Variants in DAPP1 observed in about 807,000 individuals in gnomAD.
The protein encoded by DAPP1 is dual adaptor of phosphotyrosine and 3-phosphoinositides 1.
A neutral mutation model predicts 41.5 loss-of-function variants in DAPP1; 20 were observed. The observed-to-expected ratio is 0.48, with a 90% CI of 0.34 to 0.70. DAPP1 has a LOEUF of 0.70. Among genes scored for constraint, DAPP1 ranks in the 30% least tolerant of loss-of-function variants. The pLI is 0.01. For missense variants in DAPP1, 233 were observed against 333.4 expected, an observed-to-expected ratio of 0.70 and a Z score of 2.35; for synonymous variants, 113 against 116.2, an observed-to-expected ratio of 0.97 and a Z score of 0.18.
At chr4:99,822,087 A>G (rs945834703) in intron 1 of DAPP1, among the ~76,000 whole-genome samples, 1 of 152,194 alleles carries the variant, frequency 6.6e-6, no homozygotes, top group Non-Finnish European at 1.5e-5. Flanking sequence ...CTGTGGTTGT[A>G]TAATTAGTAT....
At chr4:99,872,024 C>T (rs903596641), downstream of DAPP1, among the ~76,000 whole-genome samples, 2 of 152,128 alleles carry the variant, frequency 1.3e-5, no homozygotes, top group Non-Finnish European at 2.9e-5. Flanking sequence ...GCATAATCAT[C>T]CCAGAGAGCA....
intron 1 of DAPP1, among the ~76,000 whole-genome samples, chr4:99,823,952 T>A (rs1473159431): frequency 6.6e-6 from 1 of 152,214 alleles, no homozygotes; most frequent in African/African-American, 2.4e-5. Context: ...TTCAAAATGG[T>A]ATCAAAGAAA....
At chr4:99,829,163 A>C (rs1723038346) in intron 1 of DAPP1, among the ~76,000 whole-genome samples, 1 of 152,142 alleles carries the variant, frequency 6.6e-6, no homozygotes, top group East Asian at 1.9e-4. Flanking sequence ...AAAAGAAGAA[A>C]ATTTTTCCAA....
At chr4:99,820,952 C>G (rs1722753267) in intron 1 of DAPP1, among the ~76,000 whole-genome samples, 1 of 152,206 alleles carries the variant, frequency 6.6e-6, no homozygotes, top group African/African-American at 2.4e-5. Flanking sequence ...GGAATTAACC[C>G]TCAGCTGGTG....
intron 5 of DAPP1, among the ~76,000 whole-genome samples, chr4:99,861,895 AG>A (rs1217784287): frequency 6.6e-6 from 1 of 152,218 alleles, no homozygotes; most frequent in Non-Finnish European, 1.5e-5. Context: ...GGAATGATTG[AG>A]GATGAAGATA....
chr4:99,835,768 G>T, intron 2 of DAPP1, 23 bp downstream of exon 2: 2 of 1,610,402 alleles, frequency 1.2e-6, no homozygotes, highest in South Asian at 1.1e-5. Flanking sequence ...AGGGCTCTAC[G>T]ACTTCAGCAT....
intron 1 of DAPP1, among the ~76,000 whole-genome samples, chr4:99,826,244 A>G (rs571023508): frequency 6.6e-6 from 1 of 152,276 alleles, no homozygotes; most frequent in Admixed American, 6.5e-5. Flanking sequence ...TATGTTATGC[A>G]TTTGTCATCT....
chr4:99,841,843 A>G (rs80072524), intron 3 of DAPP1, among the ~76,000 whole-genome samples: 1,671 of 152,340 alleles, frequency 0.011, 40 homozygotes, highest in African/African-American at 0.037. Flanking sequence ...AACTCTTTGT[A>G]GTCTTCAAAG....
At chr4:99,852,537 T>A (rs1354879190) in intron 3 of DAPP1, among the ~76,000 whole-genome samples, 1 of 152,076 alleles carries the variant, frequency 6.6e-6, no homozygotes, top group African/African-American at 2.4e-5. Flanking sequence ...GCCTGGAGGC[T>A]CCCCTCTCCA....
chr4:99,847,225 AC>A (rs1386612606), intron 3 of DAPP1, among the ~76,000 whole-genome samples: 2 of 152,148 alleles, frequency 1.3e-5, no homozygotes, highest in Non-Finnish European at 2.9e-5. Context: ...TAAAATAAAT[AC>A]TCTAAACAAA....
rs1197210708 is a variant in DAPP1 at position 99,870,089 on chromosome 4, T to G, written c.*1904T>G. 1.3e-5 allele frequency: 2 copies of G among 152,232 alleles called. No individual in the cohort carries two copies. Among genetic ancestry groups the G allele is most frequent in the African/African-American group, 4.8e-5 (2 of 41,470 alleles). The allele number at this position is 152,232 out of a possible 1,614,324, so 9.4% of individuals were successfully genotyped here. A position where few individuals can be genotyped will look rare whatever the true frequency, so the allele number is the denominator to read the frequency against. The stretch of plus-strand genomic sequence containing the variant: ...TGTTTACCTTTTATAAAACATAACC[T>G]GTTTATTTATATTCTTTGGCTTTGT... On this transcript the variant is annotated 3_prime_UTR_variant, in exon 9 of 9. Transcript: ENST00000512369.
chr4:99,842,175 T>A (rs552739942), intron 3 of DAPP1, among the ~76,000 whole-genome samples: 7 of 152,256 alleles, frequency 4.6e-5, no homozygotes, highest in Non-Finnish European at 7.3e-5. Context: ...AGCTTCCTTG[T>A]AAATACACTG....
chr4:99,828,836 T>C (rs1723028878), intron 1 of DAPP1, among the ~76,000 whole-genome samples: 1 of 152,342 alleles, frequency 6.6e-6, no homozygotes, highest in African/African-American at 2.4e-5. Flanking sequence ...ACAAATATTC[T>C]TTTGGAGCTT....
At chr4:99,871,892 T>C (rs942171499), downstream of DAPP1, among the ~76,000 whole-genome samples, 2 of 152,254 alleles carry the variant, frequency 1.3e-5, no homozygotes, top group African/African-American at 4.8e-5. Context: ...TTGTAAGTTG[T>C]GTCACATTTT....
chr4:99,834,579 T>C (rs1480590374), intron 1 of DAPP1, among the ~76,000 whole-genome samples: 1 of 152,148 alleles, frequency 6.6e-6, no homozygotes, highest in Non-Finnish European at 1.5e-5. Flanking sequence ...TTTAGTATTA[T>C]AGCACAGAGG....
intron 1 of DAPP1, among the ~76,000 whole-genome samples, chr4:99,819,536 T>C (rs1722697154): frequency 6.6e-6 from 1 of 152,130 alleles, no homozygotes; most frequent in African/African-American, 2.4e-5. Flanking sequence ...ATACTGAACA[T>C]AACTCGAACA....
intron 1 of DAPP1, among the ~76,000 whole-genome samples, chr4:99,827,558 AC>A (rs1455707708): frequency 9.4e-5 from 14 of 149,706 alleles, no homozygotes; most frequent in South Asian, 4.2e-4. Flanking sequence ...AAAAAACAAA[AC>A]AAAAAACACC....
intron 4 of DAPP1, among the ~76,000 whole-genome samples, chr4:99,855,413 T>C (rs867264458): frequency 6.6e-6 from 1 of 152,240 alleles, no homozygotes; most frequent in Non-Finnish European, 1.5e-5. Flanking sequence ...GCAGAAGATA[T>C]AGTATCCTTA....
At chr4:99,849,841 GGAGAGAACCAGAAA>G (rs1215126302) in intron 3 of DAPP1, among the ~76,000 whole-genome samples, 1 of 152,162 alleles carries the variant, frequency 6.6e-6, no homozygotes, top group Non-Finnish European at 1.5e-5. Context: ...GAGCCAGAAG[GGAGAGAACCAGAAA>G]GATGGCAGCA....
Sources: gnomAD v4.1 joint callset for allele counts (sites outside exome capture counted in the v4.1 genomes callset) on GRCh38, gnomAD v4.1.1 for gene constraint, MANE v1.5 for transcripts, NCBI Gene and HGNC (gene_info 2026-07-23, HGNC 2026-07-21) for gene names.